Variants in DHCR7 observed in about 807,000 individuals in gnomAD.
The protein encoded by DHCR7 is 7-DHC reductase.
DHCR7 carries 40 observed loss-of-function variants against 43.3 expected under a neutral mutation model. The ratio of observed to expected loss-of-function variants is 0.92; its 90% CI spans 0.72 to 1.20. The LOEUF (loss-of-function observed/expected upper bound fraction) is 1.20, where lower values mean the gene tolerates loss of function less well. DHCR7 is among the 50% of genes most tolerant of loss of function. DHCR7 has a pLI of 0.00. For missense variants in DHCR7, 608 were observed against 644.6 expected, an observed-to-expected ratio of 0.94 and a Z score of 0.62; for synonymous variants, 298 against 271.4, an observed-to-expected ratio of 1.10 and a Z score of -0.96.
At chr11:71,440,986 C>T (rs1038362039) in intron 6 of DHCR7, among the ~76,000 whole-genome samples, 2 of 152,210 alleles carry the variant, frequency 1.3e-5, no homozygotes, top group Non-Finnish European at 2.9e-5. Context: ...GCCCTAAAGG[C>T]AATGACTTGG....
At chr11:71,442,111 T>C (rs2135945333) in intron 5 of DHCR7, 152 bp downstream of exon 5, 1 of 661,872 alleles carries the variant, frequency 1.5e-6, no homozygotes, top group Non-Finnish European at 2.7e-6. Context: ...CTGCCCTCAA[T>C]GGTTTTGAGG....
chr11:71,435,575 C>G lies in DHCR7; in HGVS notation c.1228G>C (p.Gly410Arg), dbSNP rs80338862. The change falls in exon 9 of 9, where the codon GGC becomes CGC. Residue 410 changes from glycine (G) to arginine (R), a missense_variant. Transcript: ENST00000355527. ...TAGGCCAGGCTGCCCATCAGGTCGC[C>G]GACGTAGTTGAAGTGGCGGGCCACG... ...WGVARHFNYV[G>R]DLMGSLAYCL... 1.9e-5 allele frequency: 31 copies of G among 1,610,856 alleles called. No individual in the cohort carries two copies. Among genetic ancestry groups the G allele is most frequent in the Non-Finnish European group, 2.4e-5 (28 of 1,179,880 alleles).
At chr11:71,433,344 C>T (rs536834653), downstream of DHCR7, among the ~76,000 whole-genome samples, 48 of 152,338 alleles carry the variant, frequency 3.2e-4, 1 homozygote, top group African/African-American at 1.1e-3. Flanking sequence ...TGAGGGCAGA[C>T]GTGTCTGGTG....
rs1039740818 is a variant in DHCR7, at chr11:71,438,697, G to A, written c.831+182C>T. ...TCCCCTCCCAGGGCTGGCAGAGACA[G>A]GCACCCAAGGATGGCTTCCTTCACC... On this transcript the variant is annotated intron_variant, in intron 7 of 8. Transcript: ENST00000355527. 9 of 678,880 alleles carry A rather than the reference G, an allele frequency of 1.3e-5. No individual in the cohort carries two copies. In the African/African-American group the frequency reaches 1.6e-4, roughly 12 times the overall value. 42.1% of individuals were successfully genotyped at this position (678,880 alleles called of 1,614,324 possible).
Position 71,444,918 on chromosome 11 carries a change from G to A in DHCR7, c.35C>T (p.Ala12Val), listed in dbSNP as rs1279200193. The A allele has an allele frequency of 1.2e-6, 2 of 1,614,164 alleles. No individual in the cohort carries two copies. The highest frequency in any genetic ancestry group is 3.3e-5 in the Admixed American group (2 of 60,026). Residue 12 changes from alanine (A) to valine (V), a missense_variant, in exon 3 of 9, where the codon GCC becomes GTC. By Grantham distance (64) the Ala-to-Val change is moderately conservative. Coordinates refer to ENST00000355527, the MANE Select transcript of DHCR7 (RefSeq NM_001360.3). The part of the protein sequence containing the change: ...AAKSQPNIPK[A>V]KSLDGVTNDR... ...ATTGGTGACGCCATCTAGACTCTTG[G>A]CTTTGGGAATGTTGGGTTGCGATTT...
chr11:71,437,702 A>C, intron 8 of DHCR7, 110 bp downstream of exon 8: 1 of 1,503,654 alleles, frequency 6.7e-7, no homozygotes, highest in African/African-American at 1.4e-5. Flanking sequence ...CCTTCTTCCT[A>C]GAAACAGGGG....
At position 71,435,260 on chromosome 11, in the gene DHCR7, A is replaced by T; in HGVS notation, c.*115T>A. On this transcript the variant is annotated 3_prime_UTR_variant, in exon 9 of 9. Transcript: ENST00000355527. ...ACCTGCCAAGTGCTGGGCTCTCTCC[A>T]GTTTACAGATGAGGAAACTGAGGCT... 1 of 1,116,410 alleles carries T rather than the reference A, an allele frequency of 9.0e-7. No homozygotes were observed. The highest frequency in any genetic ancestry group is 1.3e-6 in the Non-Finnish European group (1 of 742,420). 69.2% of individuals were successfully genotyped at this position (1,116,410 alleles called of 1,614,324 possible).
In DHCR7 at chr11:71,435,795, G is replaced by T. The variant is rs75225632; in HGVS notation, c.1008C>A (p.His336Gln). ...VYHPVQLSTP[H>Q]AVGVLLLGLV... ...GGCCCAGCAGCAGGACGCCCACGGC[G>T]TGCGGGGTGGACAGCTGCACGGGGT... Residue 336 changes from histidine (H) to glutamine (Q), a missense_variant, in exon 9 of 9, where the codon CAC becomes CAA. Transcript: ENST00000355527. 6.2e-7 allele frequency: 1 copy of T among 1,607,912 alleles called. No individual in the cohort carries two copies. The highest frequency in any genetic ancestry group is 1.7e-5 in the Admixed American group (1 of 59,920).
intron 2 of DHCR7, among the ~76,000 whole-genome samples, chr11:71,446,199 A>G (rs1274757655): frequency 6.6e-6 from 1 of 150,712 alleles, no homozygotes; most frequent in African/African-American, 2.4e-5. Flanking sequence ...GATATATGTG[A>G]CAGCTCGGTT....
At chr11:71,442,479 G>A in intron 4 of DHCR7, 126 bp from the exon 5 acceptor site, 1 of 748,016 alleles carries the variant, frequency 1.3e-6, no homozygotes, top group Non-Finnish European at 2.4e-6. Context: ...GCTCCTGGAA[G>A]CTCAAACTGC....
At chr11:71,445,388 C>T (rs775059174) in intron 2 of DHCR7, among the ~76,000 whole-genome samples, 1 of 152,220 alleles carries the variant, frequency 6.6e-6, no homozygotes, top group Non-Finnish European at 1.5e-5. Context: ...TGCAGGTGTC[C>T]TTGTTCAGGG....
chr11:71,433,878 C>T (rs1235793875), downstream of DHCR7, among the ~76,000 whole-genome samples: 2 of 152,226 alleles, frequency 1.3e-5, no homozygotes, highest in Non-Finnish European at 2.9e-5. Context: ...TATCCTCAAA[C>T]AGGTAGTGGT....
intron 6 of DHCR7, 69 bp from the exon 7 acceptor site, chr11:71,439,152 A>G: frequency 6.8e-7 from 1 of 1,469,508 alleles, no homozygotes; most frequent in Non-Finnish European, 9.4e-7. Context: ...CACCTTACTT[A>G]GCGAGAGCCC....
At chr11:71,428,264 G>T (rs537355196) in exon 3 of DHCR7, 2 of 152,326 alleles carry the variant, frequency 1.3e-5, no homozygotes, top group Admixed American at 6.5e-5. Context: ...TATGATGAGA[G>T]AATCCAATAT....
rs774270110 is a variant in DHCR7 at position 71,441,462 on chromosome 11, A to C, written c.413-22T>G. 11 of 1,589,342 alleles carry C rather than the reference A, an allele frequency of 6.9e-6. No homozygotes were observed. The South Asian group carries it at 1.2e-4, about 18-fold the overall frequency. On this transcript the variant is annotated intron_variant, in intron 5 of 8. Coordinates refer to ENST00000355527, the MANE Select transcript of DHCR7 (RefSeq NM_001360.3). ...ACCCCTGCAGATGAAGGATTCAGAA[A>C]TGAAGGCGCTTTCCCAACCCGCAGT...
At position 71,446,886 on chromosome 11, in the gene DHCR7, A is replaced by C. The variant is rs191293040; in HGVS notation, c.-7+724T>G. On this transcript the variant is annotated intron_variant, in intron 2 of 8. Coordinates refer to ENST00000355527, the MANE Select transcript of DHCR7 (RefSeq NM_001360.3). ...ACTCTCCTTATATCTGTAAAATCAA[A>C]GTGGATGAAAGAAAACTACTTCTGA... is the stretch of plus-strand genomic sequence containing the variant. 3.3e-5 allele frequency among the ~76,000 whole-genome samples: 5 copies of C among 152,352 alleles called. No homozygotes were observed. In the East Asian group the frequency reaches 9.6e-4, roughly 29 times the overall value.
In DHCR7 at chr11:71,439,076, T is replaced by G. The variant is rs976105626; in HGVS notation, c.634A>C (p.Thr212Pro). The change falls in exon 7 of 9, where the codon ACA becomes CCA. Residue 212 changes from threonine to proline, a missense_variant. By Grantham distance (38) the Thr-to-Pro change is conservative. Transcript: ENST00000355527. ...ATGTAGTTGTAAAAGAAATTGCCTG[T>G]GAATTTGCTTAAAAATATAAATAAA... is the stretch of plus-strand genomic sequence containing the variant. ...FPTSARDCKF[T>P]GNFFYNYMMG... The G allele has an allele frequency of 6.2e-7, 1 of 1,613,848 alleles. No homozygotes were observed. Among genetic ancestry groups the G allele is most frequent in the Non-Finnish European group, 8.5e-7 (1 of 1,179,916 alleles).
In DHCR7 at chr11:71,448,367, C is replaced by G. The variant is rs886048620; in HGVS notation, c.-209G>C. ...CGCGCGCTGCTCCACGCCGCCTACCCTCTAGCCAGGGGTCGGAGTCACCCG... is the reference window on the plus strand; with the variant it reads ...CGCGCGCTGCTCCACGCCGCCTACCGTCTAGCCAGGGGTCGGAGTCACCCG... On this transcript the variant is annotated 5_prime_UTR_variant, in exon 1 of 9. Transcript: ENST00000355527. 6.5e-6 allele frequency: 1 copy of G among 152,968 alleles called. No homozygotes were observed. Among genetic ancestry groups the G allele is most frequent in the Non-Finnish European group, 1.5e-5 (1 of 68,474 alleles). The allele number at this position is 152,968 out of a possible 1,614,324, so 9.5% of individuals were successfully genotyped here.
intron 8 of DHCR7, among the ~76,000 whole-genome samples, chr11:71,436,881 G>C (rs1430822756): frequency 1.3e-5 from 2 of 152,224 alleles, no homozygotes; most frequent in Admixed American, 1.3e-4. Context: ...GACACACACA[G>C]AGGCTAAAGC....
Sources: gnomAD v4.1 joint callset for allele counts (sites outside exome capture counted in the v4.1 genomes callset) on GRCh38, gnomAD v4.1.1 for gene constraint, MANE v1.5 for transcripts, NCBI Gene and HGNC (gene_info 2026-07-23, HGNC 2026-07-21) for gene names.